ZNF544: variants seen among roughly 807,000 people sequenced by gnomAD.
The protein encoded by ZNF544 is zinc finger protein AF020591.
In ZNF544, 10 loss-of-function variants were observed where a neutral mutation model predicts 13.5. The observed-to-expected ratio is 0.74, with a 90% CI of 0.46 to 1.25. The LOEUF (loss-of-function observed/expected upper bound fraction) is 1.25. Among genes scored for constraint, ZNF544 ranks in the 50% most tolerant of loss-of-function variants. The probability of loss-of-function intolerance (pLI) is 0.00; values close to 1 mark genes in which losing one functional copy is unlikely to be tolerated. For missense variants in ZNF544, 896 were observed against 845.6 expected (o/e 1.06, Z -0.74); for synonymous variants, 323 against 300.5 (o/e 1.07, Z -0.77).
intron 3 of ZNF544, chr19:58,242,201 G>A (rs1293404005): frequency 5.1e-6 from 5 of 984,122 alleles, no homozygotes; most frequent in Non-Finnish European, 4.8e-6. Flanking sequence ...GCTGTGAGGT[G>A]GCCCATGCTT....
chr19:58,246,806 C>T lies in ZNF544; in HGVS notation c.244+12C>T. The T allele has an allele frequency of 1.2e-6, 2 of 1,612,730 alleles. No individual in the cohort carries two copies. The highest frequency in any genetic ancestry group is 1.7e-6 in the Non-Finnish European group (2 of 1,179,022). ...GGAGGCCCCCCGAGGTAAGAGCAGACCTTGTGGTGAGCAGCTCAACGTTTA... is the reference window on the plus strand; with the variant it reads ...GGAGGCCCCCCGAGGTAAGAGCAGATCTTGTGGTGAGCAGCTCAACGTTTA... On this transcript the variant is annotated intron_variant, in intron 6 of 6. Coordinates refer to ENST00000687789, the MANE Select transcript of ZNF544 (RefSeq NM_014480.4).
At chr19:58,232,765 TAAAAAAAAAAAA>T (rs529610316) in intron 3 of ZNF544, among the ~76,000 whole-genome samples, 4 of 108,176 alleles carry the variant, frequency 3.7e-5, no homozygotes, top group African/African-American at 9.9e-5. Context: ...CCGTCTCTAC[TAAAAAAAAAAAA>T]AAAAAAAAAA....
intron 3 of ZNF544, among the ~76,000 whole-genome samples, chr19:58,243,377 T>C (rs1290130784): frequency 6.6e-6 from 1 of 151,502 alleles, no homozygotes; most frequent in East Asian, 2.0e-4. Context: ...AAACTCTCGG[T>C]AGGACAGTGA....
At chr19:58,229,314 A>ACAGAGGGTGC (rs2040673911) in intron 1 of ZNF544, 154 bp from the exon 2 acceptor site, 1 of 88,766 alleles carries the variant, frequency 1.1e-5, no homozygotes, top group Admixed American at 1.3e-4. Context: ...ACTGGGTGGG[A>ACAGAGGGTGC]CTGGGTGGGC....
At chr19:58,242,429 C>A in intron 3 of ZNF544, 2 of 245,872 alleles carry the variant, frequency 8.1e-6, no homozygotes, top group Non-Finnish European at 1.3e-5. Flanking sequence ...AAGAAAAATG[C>A]CAGCGTTCAA....
At chr19:58,241,035 G>A (rs569588477) in intron 3 of ZNF544, among the ~76,000 whole-genome samples, 17 of 142,086 alleles carry the variant, frequency 1.2e-4, no homozygotes, top group South Asian at 2.3e-4. Context: ...GTGGTGGCAC[G>A]ATCACTACTC....
chr19:58,235,292 G>A (rs1251153465), intron 3 of ZNF544, among the ~76,000 whole-genome samples: 3 of 152,182 alleles, frequency 2.0e-5, no homozygotes, highest in African/African-American at 4.8e-5. Context: ...CATAGAAAAG[G>A]TACGGTAAAA....
chr19:58,262,234 C>G lies in ZNF544; in HGVS notation c.1628C>G (p.Thr543Ser). The G allele has an allele frequency of 1.2e-6, 2 of 1,614,046 alleles. No individual in the cohort carries two copies. Among genetic ancestry groups the G allele is most frequent in the Non-Finnish European group, 1.7e-6 (2 of 1,180,020 alleles). ...CTTATTACGCATCAGCGAATTCACA[C>G]TGGAGAAAAACCGTATCAGTGTATT... ...SKLITHQRIH[T>S]GEKPYQCIEC... Residue 543 changes from threonine (T) to serine (S), a missense_variant, in exon 7 of 7, where the codon ACT becomes AGT. Transcript: ENST00000687789.
Position 58,261,134 on chromosome 19 carries a change from A to C in ZNF544, c.528A>C (p.Thr176=). The change falls in exon 7 of 7, where the codon ACA becomes ACC. Residue 176 remains threonine, a synonymous_variant. Coordinates refer to ENST00000687789, the MANE Select transcript of ZNF544 (RefSeq NM_014480.4). ...SLPSTLSLLP[T]TLPTSTGFPK... is the part of the protein sequence containing the mutation. ...CTTCTACTTTAAGCCTTCTACCTAC[A>C]ACATTACCTACAAGTACAGGTTTCC... The C allele has an allele frequency of 6.2e-7, 1 of 1,614,178 alleles. No individual in the cohort carries two copies. The highest frequency in any genetic ancestry group is 8.5e-7 in the Non-Finnish European group (1 of 1,180,048).
chr19:58,247,243 A>G (rs2045429990), intron 6 of ZNF544: 1 of 153,132 alleles, frequency 6.5e-6, no homozygotes, highest in African/African-American at 2.4e-5. Flanking sequence ...ACACTGCCAC[A>G]CCTGGCTAAT....
chr19:58,229,240 C>T (rs260439), intron 1 of ZNF544: 64,031 of 142,514 alleles, frequency 0.45, 14,051 homozygotes, highest in East Asian at 0.64. Flanking sequence ...TGGGAGGGAA[C>T]TTATAGTACC....
chr19:58,240,540 A>T (rs1463815475), intron 3 of ZNF544, among the ~76,000 whole-genome samples: 1 of 152,024 alleles, frequency 6.6e-6, no homozygotes, highest in African/African-American at 2.4e-5. Context: ...TATAGGCATG[A>T]CTTGAGGTCA....
rs541879319 is a variant in ZNF544, at chr19:58,235,920, C to T, written c.-60+5458C>T. Reference sequence around the variant, plus strand: ...TACTAGAAATACAAAATTAGCCAGACATGGTGGCACATGCCTGTAATCCCA... The same window carrying T: ...TACTAGAAATACAAAATTAGCCAGATATGGTGGCACATGCCTGTAATCCCA... On this transcript the variant is annotated intron_variant, in intron 3 of 6. Transcript: ENST00000687789. Among the ~76,000 whole-genome samples the T allele has an allele frequency of 4.4e-3, 660 of 151,524 alleles. 2 individuals carry two copies. The highest frequency in any genetic ancestry group is 0.015 in the African/African-American group (612 of 41,246).
intron 6 of ZNF544, among the ~76,000 whole-genome samples, chr19:58,255,175 A>G (rs2047011929): frequency 6.6e-6 from 1 of 151,238 alleles, no homozygotes. Flanking sequence ...GGTGTGAGCC[A>G]CAGCGCCCAG....
chr19:58,256,126 A>C (rs260455), intron 6 of ZNF544, among the ~76,000 whole-genome samples: 1 of 151,998 alleles, frequency 6.6e-6, no homozygotes, highest in East Asian at 1.9e-4. Flanking sequence ...TGGAAAGGGA[A>C]AAAGAGAGAG....
chr19:58,252,105 G>A (rs555893476), intron 6 of ZNF544, among the ~76,000 whole-genome samples: 1 of 152,272 alleles, frequency 6.6e-6, no homozygotes, highest in South Asian at 2.1e-4. Context: ...TCCTTTGCAA[G>A]CTGGCATATC....
At chr19:58,241,686 A>AC (rs2043908947) in intron 3 of ZNF544, among the ~76,000 whole-genome samples, 1 of 151,782 alleles carries the variant, frequency 6.6e-6, no homozygotes, top group Admixed American at 6.6e-5. Context: ...TTTAGTAGAG[A>AC]CAGGGTTTCA....
In ZNF544 at chr19:58,246,858, A is replaced by G. The variant is rs2045338515; in HGVS notation, c.244+64A>G. 36 of 1,515,988 alleles carry G rather than the reference A, an allele frequency of 2.4e-5. 2 individuals are homozygous for G. The South Asian group carries it at 4.2e-4, about 18-fold the overall frequency. The allele number at this position is 1,515,988 out of a possible 1,614,324, so 93.9% of individuals were successfully genotyped here. A position where few individuals can be genotyped will look rare whatever the true frequency, so the allele number is the denominator to read the frequency against. On this transcript the variant is annotated intron_variant, in intron 6 of 6. Transcript: ENST00000687789. ...CAAGCTTGGACAGAGAGCTCTCCGC[A>G]GGGCCCCAGGGGCCAAGGAGGGAGC...
intron 5 of ZNF544, among the ~76,000 whole-genome samples, chr19:58,271,285 G>T (rs2050609789): frequency 1.3e-5 from 2 of 151,758 alleles, no homozygotes; most frequent in South Asian, 4.2e-4. Context: ...AGAAGAATTG[G>T]AACAGATATG....
Sources: allele counts gnomAD v4.1 joint callset (sites outside exome capture counted in the v4.1 genomes callset), GRCh38; gene constraint gnomAD v4.1.1; transcripts MANE v1.5; gene names NCBI Gene and HGNC (gene_info 2026-07-23, HGNC 2026-07-21).